The following AGAP1 variants were observed in gnomAD, a reference collection of about 807,000 sequenced individuals.
The protein encoded by AGAP1 is ArfGAP with GTPase domain, ankyrin repeat and PH domain 1.
In AGAP1, 29 loss-of-function variants were observed where a neutral mutation model predicts 105.3. The ratio of observed to expected loss-of-function variants is 0.28; its 90% CI spans 0.21 to 0.38. The LOEUF (loss-of-function observed/expected upper bound fraction) is 0.38, where lower values mean the gene tolerates loss of function less well. AGAP1 is among the 10% of genes least tolerant of loss of function. The pLI is 1.00. For missense variants in AGAP1, 998 were observed against 1,165.1 expected, an observed-to-expected ratio of 0.86 and a Z score of 2.09; for synonymous variants, 509 against 485.9, an observed-to-expected ratio of 1.05 and a Z score of -0.63.
chr2:235,695,302 T>A (rs1366537168), intron 1 of AGAP1, among the ~76,000 whole-genome samples: 1 of 152,222 alleles, frequency 6.6e-6, no homozygotes, highest in Non-Finnish European at 1.5e-5. Context: ...TTTATTGCCC[T>A]ATCTTATAGA....
Position 235,517,036 on chromosome 2 carries a change from G to T in AGAP1, c.163+22187G>T, listed in dbSNP as rs1214456621. Among the ~76,000 whole-genome samples the T allele has an allele frequency of 6.6e-6, 1 of 152,208 alleles. No individual in the cohort carries two copies. The highest frequency in any genetic ancestry group is 2.4e-5 in the African/African-American group (1 of 41,454). ...GCGCCTACGTTAGTCAGCTCGGGCT[G>T]CCACGACAAAATACCACAGACTGGG... On this transcript the variant is annotated intron_variant, in intron 1 of 17. Transcript: ENST00000304032. The surrounding 1 kb of genome is among the most constrained non-coding windows in gnomAD (Gnocchi z 4.1).
In AGAP1 at chr2:236,078,421, G is replaced by C. The variant is rs578230954; in HGVS notation, c.2114+29140G>C. Among the ~76,000 whole-genome samples the C allele has an allele frequency of 4.2e-4, 64 of 152,286 alleles. No homozygotes were observed. The highest frequency in any genetic ancestry group is 1.5e-3 in the African/African-American group (63 of 41,572). ...GCCTTCACAGCAATGCATAGGTTGT[G>C]TGTGATGAAATCACTGGCCGCCGTG... On this transcript the variant is annotated intron_variant, in intron 16 of 17. Transcript: ENST00000304032. This position sits in a 1 kb window ranked among gnomAD's most constrained non-coding sequence, Gnocchi z 5.3.
chr2:235,684,671 A>G (rs1252936371), intron 1 of AGAP1, among the ~76,000 whole-genome samples: 1 of 152,140 alleles, frequency 6.6e-6, no homozygotes, highest in African/African-American at 2.4e-5. Flanking sequence ...TATAGATGGG[A>G]AGCTGCTGCA....
At chr2:235,943,450 A>G (rs2053355011) in intron 12 of AGAP1, among the ~76,000 whole-genome samples, 1 of 147,842 alleles carries the variant, frequency 6.8e-6, no homozygotes, top group Middle Eastern at 3.3e-3. Flanking sequence ...CTGAGGTTCA[A>G]GTAATTCTCC....
intron 16 of AGAP1, among the ~76,000 whole-genome samples, chr2:236,118,125 T>C (rs996351417): frequency 6.6e-6 from 1 of 152,178 alleles, no homozygotes; most frequent in African/African-American, 2.4e-5. Context: ...CTAGGTGCAA[T>C]GTAAACACGG....
In AGAP1 at chr2:236,129,462, C is replaced by G. The variant is rs757795280; in HGVS notation, c.*5340C>G. ...AGCTGGATCACTAAGAAACAGTCCT[C>G]AGACTGGTCCTTCCGACACAGGCAG... On this transcript the variant is annotated 3_prime_UTR_variant, in exon 18 of 18. Coordinates refer to ENST00000304032, the MANE Select transcript of AGAP1 (RefSeq NM_001037131.3). This position sits in a 1 kb window ranked among gnomAD's most constrained non-coding sequence, Gnocchi z 6.2. 6 of 152,250 alleles carry G rather than the reference C, an allele frequency of 3.9e-5. No individual in the cohort carries two copies. The highest frequency in any genetic ancestry group is 8.8e-5 in the Non-Finnish European group (6 of 68,062). 9.4% of individuals were successfully genotyped at this position (152,250 alleles called of 1,614,324 possible). A position where few individuals can be genotyped will look rare whatever the true frequency, so the allele number is the denominator to read the frequency against.
Position 235,740,290 on chromosome 2 carries a change from T to C in AGAP1, c.311-673T>C, listed in dbSNP as rs1952504283. On this transcript the variant is annotated intron_variant, in intron 3 of 17. Transcript: ENST00000304032. The surrounding 1 kb of genome is among the most constrained non-coding windows in gnomAD (Gnocchi z 5.7). ...TCATGCCCGCACCCCCTCCTCATGG[T>C]CACCTCTGTTCCTGCAGGGTCCCGG... Among the ~76,000 whole-genome samples, 1 of 151,316 alleles carries C rather than the reference T, an allele frequency of 6.6e-6. No individual in the cohort carries two copies. The highest frequency in any genetic ancestry group is 1.5e-5 in the Non-Finnish European group (1 of 67,886).
At position 235,842,445 on chromosome 2, in the gene AGAP1, T is replaced by G. The variant is rs1960978638; in HGVS notation, c.1050+35114T>G. Among the ~76,000 whole-genome samples, 1 of 152,206 alleles carries G rather than the reference T, an allele frequency of 6.6e-6. No individual in the cohort carries two copies. Among genetic ancestry groups the G allele is most frequent in the African/African-American group, 2.4e-5 (1 of 41,434 alleles). Reference sequence around the variant, plus strand: ...TAGGTTGTTTTCTCTGGTCACCGTTTGGCAATGGAAGGTACTAGGTCTGCC... The same window carrying G: ...TAGGTTGTTTTCTCTGGTCACCGTTGGGCAATGGAAGGTACTAGGTCTGCC... On this transcript the variant is annotated intron_variant, in intron 9 of 17. Coordinates refer to ENST00000304032, the MANE Select transcript of AGAP1 (RefSeq NM_001037131.3). This position sits in a 1 kb window ranked among gnomAD's most constrained non-coding sequence, Gnocchi z 5.3.
chr2:235,688,237 C>A (rs534108576), intron 1 of AGAP1, among the ~76,000 whole-genome samples: 2 of 152,176 alleles, frequency 1.3e-5, no homozygotes, highest in Admixed American at 1.3e-4. Context: ...CCTGTCTACT[C>A]TTGCTGGGCT....
chr2:235,931,058 A>G lies in AGAP1; in HGVS notation c.1483+135A>G. 1.0e-6 allele frequency: 1 copy of G among 992,460 alleles called. No homozygotes were observed. Among genetic ancestry groups the G allele is most frequent in the Non-Finnish European group, 1.4e-6 (1 of 705,804 alleles). The allele number at this position is 992,460 out of a possible 1,614,324, so 61.5% of individuals were successfully genotyped here. Reference sequence around the variant, plus strand: ...ACCCTGTGGGGCGGCTGCATCAGAGACTCACATCTTGCCTTTCATCTGTGG... The same window carrying G: ...ACCCTGTGGGGCGGCTGCATCAGAGGCTCACATCTTGCCTTTCATCTGTGG... On this transcript the variant is annotated intron_variant, in intron 12 of 17. Transcript: ENST00000304032. The surrounding 1 kb of genome is among the most constrained non-coding windows in gnomAD (Gnocchi z 5.6).
At chr2:235,917,528 CATA>C (rs2051951581) in intron 11 of AGAP1, among the ~76,000 whole-genome samples, 1 of 152,026 alleles carries the variant, frequency 6.6e-6, no homozygotes, top group South Asian at 2.1e-4. Context: ...AAAGATGGGT[CATA>C]ATGAGAGCAT....
Position 235,615,357 on chromosome 2 carries a change from T to G in AGAP1, c.164-93822T>G, listed in dbSNP as rs1017067981. On this transcript the variant is annotated intron_variant, in intron 1 of 17. Coordinates refer to ENST00000304032, the MANE Select transcript of AGAP1 (RefSeq NM_001037131.3). The surrounding 1 kb of genome is among the most constrained non-coding windows in gnomAD (Gnocchi z 5.0). ...TGGGTCCCACTGAGGAGCTTGCCAG[T>G]ATTGTTACAATTGGAGTGATCTCAT... Among the ~76,000 whole-genome samples the G allele has an allele frequency of 3.9e-5, 6 of 152,220 alleles. No individual in the cohort carries two copies. Among genetic ancestry groups the G allele is most frequent in the Admixed American group, 3.9e-4 (6 of 15,288 alleles).
chr2:236,078,162 G>GTGTGTGTGTGTGTATA lies in AGAP1; in HGVS notation c.2114+28885_2114+28900dup, dbSNP rs2058693258. On this transcript the variant is annotated intron_variant, in intron 16 of 17. Transcript: ENST00000304032. The surrounding 1 kb of genome is among the most constrained non-coding windows in gnomAD (Gnocchi z 5.3). ...TAGGGCAGGCCAGCCGGGGGTGTGT[G>GTGTGTGTGTGTGTATA]TGTGTGTGTGTGTATATGTATGTGT... Among the ~76,000 whole-genome samples the GTGTGTGTGTGTGTATA allele has an allele frequency of 6.7e-6, 1 of 149,872 alleles. No individual in the cohort carries two copies. The highest frequency in any genetic ancestry group is 1.5e-5 in the Non-Finnish European group (1 of 67,930).
chr2:235,776,608 C>T (rs747053463), intron 6 of AGAP1, among the ~76,000 whole-genome samples: 1 of 152,136 alleles, frequency 6.6e-6, no homozygotes, highest in Non-Finnish European at 1.5e-5. Context: ...CCAGTATTTC[C>T]GCCCTCTGAA....
intron 8 of AGAP1, among the ~76,000 whole-genome samples, chr2:235,806,652 T>C (rs897115897): frequency 1.3e-5 from 2 of 151,910 alleles, no homozygotes; most frequent in African/African-American, 4.8e-5. Context: ...TTATCAGGGG[T>C]TTTTTTTCCC....
chr2:235,661,464 A>AG (rs1947949617), intron 1 of AGAP1, among the ~76,000 whole-genome samples: 1 of 106,062 alleles, frequency 9.4e-6, no homozygotes, highest in Admixed American at 1.3e-4. Flanking sequence ...CATCCTACTG[A>AG]GGGGATGGGG....
At position 235,747,497 on chromosome 2, in the gene AGAP1, G is replaced by A. The variant is rs151014464; in HGVS notation, c.538+2658G>A. Among the ~76,000 whole-genome samples the A allele has an allele frequency of 2.5e-3, 384 of 152,034 alleles. No homozygotes were observed. The highest frequency in any genetic ancestry group is 5.5e-3 in the Admixed American group (84 of 15,290). ...CCTCCCGGGGTGAGCAGGTAAGCGG[G>A]CCCCATGCCCTCCCTGCAGGACTCC... is the stretch of plus-strand genomic sequence containing the variant. On this transcript the variant is annotated intron_variant, in intron 5 of 17. Coordinates refer to ENST00000304032, the MANE Select transcript of AGAP1 (RefSeq NM_001037131.3). The surrounding 1 kb of genome is among the most constrained non-coding windows in gnomAD (Gnocchi z 5.0).
intron 10 of AGAP1, among the ~76,000 whole-genome samples, chr2:235,907,709 C>T (rs143639553): frequency 0.013 from 1,904 of 152,242 alleles, 31 homozygotes; most frequent in African/African-American, 0.043. Flanking sequence ...GCTCAAGTTC[C>T]TTATATAATA....
Position 235,977,941 on chromosome 2 carries a change from C to T in AGAP1, c.1645+9318C>T, listed in dbSNP as rs773904893. On this transcript the variant is annotated intron_variant, in intron 13 of 17. Coordinates refer to ENST00000304032, the MANE Select transcript of AGAP1 (RefSeq NM_001037131.3). This position sits in a 1 kb window ranked among gnomAD's most constrained non-coding sequence, Gnocchi z 5.2. ...CTGAAGGCTGCAAAGTCCAAGATCACGGCACCAGCTGATTCTCTTCCTAGG... is the reference window on the plus strand; with the variant it reads ...CTGAAGGCTGCAAAGTCCAAGATCATGGCACCAGCTGATTCTCTTCCTAGG... 2.7e-4 allele frequency among the ~76,000 whole-genome samples: 41 copies of T among 152,276 alleles called. No homozygotes were observed. Among genetic ancestry groups the T allele is most frequent in the African/African-American group, 7.9e-4 (33 of 41,564 alleles).
Sources: gnomAD v4.1 joint callset for allele counts (sites outside exome capture counted in the v4.1 genomes callset) on GRCh38, gnomAD v4.1.1 for gene constraint, Gnocchi (gnomAD v3.1) non-coding constraint, MANE v1.5 for transcripts, NCBI Gene and HGNC (gene_info 2026-07-23, HGNC 2026-07-21) for gene names.